The following GPC5 variants were observed in gnomAD, a reference collection of about 807,000 sequenced individuals.
GPC5 encodes the protein glypican 5.
In GPC5, 47 loss-of-function variants were observed where a neutral mutation model predicts 53.9. The ratio of observed to expected loss-of-function variants is 0.87; its 90% CI spans 0.69 to 1.11. The LOEUF (loss-of-function observed/expected upper bound fraction) is 1.11. Among genes scored for constraint, GPC5 ranks in the 50% most tolerant of loss-of-function variants. GPC5 has a pLI of 0.00. For missense variants in GPC5, 748 were observed against 713.1 expected, an observed-to-expected ratio of 1.05 and a Z score of -0.56; for synonymous variants, 286 against 263.3, an observed-to-expected ratio of 1.09 and a Z score of -0.84.
At chr13:92,141,330 C>A (rs17188397) in intron 6 of GPC5, among the ~76,000 whole-genome samples, 43,625 of 151,944 alleles carry the variant, frequency 0.29, 6,594 homozygotes, top group Non-Finnish European at 0.31. Context: ...CTGAGAATCA[C>A]GAATCGGGTG....
intron 5 of GPC5, among the ~76,000 whole-genome samples, chr13:91,878,084 CTTCTTT>C (rs1449833783): frequency 6.6e-6 from 1 of 152,146 alleles, no homozygotes; most frequent in Non-Finnish European, 1.5e-5. Context: ...TCCAATTAAA[CTTCTTT>C]TGCTTCCCAG....
At chr13:92,295,375 G>A (rs2043027379) in intron 7 of GPC5, among the ~76,000 whole-genome samples, 1 of 152,168 alleles carries the variant, frequency 6.6e-6, no homozygotes, top group African/African-American at 2.4e-5. Context: ...ACTGTAGTCT[G>A]TGAGAGTGCT....
At position 91,837,775 on chromosome 13, in the gene GPC5, G is replaced by T. The variant is rs184512943; in HGVS notation, c.1281-70162G>T. On this transcript the variant is annotated intron_variant, in intron 5 of 7. Transcript: ENST00000377067. ...CTCCAGTTGCCTTCACTGCAAAGTA[G>T]AAGCTGGCTCTAATATGGCTGAGGA... is the stretch of plus-strand genomic sequence containing the variant. 1.5e-3 allele frequency among the ~76,000 whole-genome samples: 234 copies of T among 152,212 alleles called. 1 individual carries two copies. In the Middle Eastern group the frequency reaches 0.054, roughly 35 times the overall value.
At chr13:91,917,230 C>T (rs1011952272) in intron 6 of GPC5, among the ~76,000 whole-genome samples, 3 of 152,140 alleles carry the variant, frequency 2.0e-5, no homozygotes, top group African/African-American at 4.8e-5. Context: ...AGCTACAGGT[C>T]CCATGCAAGT....
chr13:92,068,395 T>C (rs551147125), intron 6 of GPC5, among the ~76,000 whole-genome samples: 11 of 151,936 alleles, frequency 7.2e-5, no homozygotes, highest in African/African-American at 2.6e-4. Context: ...CTGATAGCTA[T>C]ATTTAGTTAT....
At chr13:92,350,135 A>G (rs890480363) in intron 7 of GPC5, among the ~76,000 whole-genome samples, 2 of 152,212 alleles carry the variant, frequency 1.3e-5, no homozygotes, top group Non-Finnish European at 2.9e-5. Context: ...CAAAAACCAT[A>G]TAATTCTCTT....
intron 7 of GPC5, among the ~76,000 whole-genome samples, chr13:92,750,751 C>T (rs560465152): frequency 1.3e-5 from 2 of 152,262 alleles, no homozygotes; most frequent in Admixed American, 1.3e-4. Context: ...CTGAGTTAAG[C>T]ACAAACTTCA....
At chr13:91,799,107 A>T (rs1487294330) in intron 5 of GPC5, among the ~76,000 whole-genome samples, 1 of 152,216 alleles carries the variant, frequency 6.6e-6, no homozygotes, top group African/African-American at 2.4e-5. Flanking sequence ...AGTGGACTGG[A>T]TAAGAAAATG....
At chr13:92,624,036 A>G (rs896707737) in intron 7 of GPC5, among the ~76,000 whole-genome samples, 3 of 140,010 alleles carry the variant, frequency 2.1e-5, no homozygotes, top group Non-Finnish European at 4.6e-5. Flanking sequence ...TTTTTTTTCT[A>G]TTTTTAGTAG....
intron 7 of GPC5, among the ~76,000 whole-genome samples, chr13:92,177,566 T>G (rs1309631759): frequency 6.6e-6 from 1 of 152,176 alleles, no homozygotes; most frequent in Admixed American, 6.5e-5. Flanking sequence ...CACTAGTATG[T>G]TTTTTGTGTT....
intron 7 of GPC5, among the ~76,000 whole-genome samples, chr13:92,580,615 G>C (rs1883340906): frequency 1.3e-5 from 2 of 152,094 alleles, no homozygotes; most frequent in Admixed American, 6.6e-5. Context: ...TTTTCGAGAG[G>C]CCTCAGGGAG....
chr13:91,546,131 TATC>T (rs1297562429), intron 2 of GPC5, among the ~76,000 whole-genome samples: 1 of 152,126 alleles, frequency 6.6e-6, no homozygotes, highest in Non-Finnish European at 1.5e-5. Flanking sequence ...TTTAGGATAA[TATC>T]ATGATCTCTG....
At chr13:92,098,495 G>T (rs925020914) in intron 6 of GPC5, among the ~76,000 whole-genome samples, 2 of 152,204 alleles carry the variant, frequency 1.3e-5, no homozygotes, top group Middle Eastern at 3.4e-3. Flanking sequence ...ACCATTTAAG[G>T]AATTGAAATA....
chr13:92,158,794 C>T (rs1453430427), intron 7 of GPC5, among the ~76,000 whole-genome samples: 1 of 152,124 alleles, frequency 6.6e-6, no homozygotes, highest in Non-Finnish European at 1.5e-5. Context: ...ATGGAAACTC[C>T]AGCCATCATG....
intron 6 of GPC5, among the ~76,000 whole-genome samples, chr13:92,105,549 T>C (rs1490349767): frequency 6.6e-6 from 1 of 152,074 alleles, no homozygotes; most frequent in East Asian, 1.9e-4. Context: ...CCAGATACTT[T>C]TCATCTTTCA....
At chr13:91,922,960 A>G (rs183151635) in intron 6 of GPC5, among the ~76,000 whole-genome samples, 8 of 152,276 alleles carry the variant, frequency 5.3e-5, no homozygotes, top group Admixed American at 3.3e-4. Context: ...ACCACCCTCC[A>G]TTGAATTCTG....
At chr13:91,630,855 TG>T (rs1294318087) in intron 2 of GPC5, among the ~76,000 whole-genome samples, 4 of 152,180 alleles carry the variant, frequency 2.6e-5, no homozygotes. Context: ...TTTTTGTTTT[TG>T]TTTTTTTAAA....
At chr13:92,049,695 G>C (rs7987342) in intron 6 of GPC5, among the ~76,000 whole-genome samples, 6 of 151,752 alleles carry the variant, frequency 4.0e-5, no homozygotes, top group African/African-American at 9.7e-5. Context: ...CTGTCTCTGC[G>C]CCTATTGAAT....
intron 7 of GPC5, among the ~76,000 whole-genome samples, chr13:92,192,664 TA>T: frequency 6.6e-6 from 1 of 152,212 alleles, no homozygotes; most frequent in Non-Finnish European, 1.5e-5. Context: ...CAGTGTTTAT[TA>T]ATTTTAGCTG....
Sources: allele counts gnomAD v4.1 joint callset (sites outside exome capture counted in the v4.1 genomes callset), GRCh38; gene constraint gnomAD v4.1.1; transcripts MANE v1.5; gene names NCBI Gene and HGNC (gene_info 2026-07-23, HGNC 2026-07-21).